KAT14: variants seen among roughly 807,000 people sequenced by gnomAD.
The protein encoded by KAT14 is lysine acetyltransferase 14, also known as cysteine-rich protein 2-binding protein.
KAT14 carries 66 observed loss-of-function variants against 78.4 expected under a neutral mutation model. That is an observed-to-expected ratio of 0.84 (90% CI 0.69 to 1.03). The LOEUF (loss-of-function observed/expected upper bound fraction) is 1.03. KAT14 is among the 50% of genes least tolerant of loss of function. KAT14 has a pLI of 0.00. For missense variants in KAT14, 870 were observed against 972.5 expected (o/e 0.89, Z 1.40); for synonymous variants, 344 against 359.4 (o/e 0.96, Z 0.48).
intron 1 of KAT14, among the ~76,000 whole-genome samples, chr20:18,141,047 A>ATTTTTTTTTTTT (rs59461611): frequency 1.1e-5 from 1 of 92,842 alleles, no homozygotes; most frequent in African/African-American, 4.4e-5. Flanking sequence ...TTTTTTTTTT[A>ATTTTTTTTTTTT]TTTTTATTTT....
In KAT14 at chr20:18,142,340, G is replaced by C; in HGVS notation, c.-321G>C. On this transcript the variant is annotated 5_prime_UTR_variant, in exon 2 of 11. Transcript: ENST00000688188. ...AAGAGAGAAGATGTTATTGGCAAAA[G>C]GATCTCAAAAATCATGACTTGAATG... is the stretch of plus-strand genomic sequence containing the variant. 6.5e-7 allele frequency: 1 copy of C among 1,536,328 alleles called. No homozygotes were observed. Among genetic ancestry groups the C allele is most frequent in the Non-Finnish European group, 8.7e-7 (1 of 1,146,334 alleles).
At chr20:18,181,982 C>A in intron 8 of KAT14, 136 bp downstream of exon 8, 1 of 1,326,964 alleles carries the variant, frequency 7.5e-7, no homozygotes, top group Non-Finnish European at 1.0e-6. Context: ...GAGTTCTGTG[C>A]TTCACCTCCA....
At chr20:18,149,420 G>A (rs1191998520) in intron 3 of KAT14, among the ~76,000 whole-genome samples, 1 of 152,198 alleles carries the variant, frequency 6.6e-6, no homozygotes, top group Non-Finnish European at 1.5e-5. Flanking sequence ...TAGACCAGAT[G>A]CAGATATAAC....
intron 7 of KAT14, among the ~76,000 whole-genome samples, chr20:18,165,727 G>A (rs1261312996): frequency 6.6e-6 from 1 of 152,200 alleles, no homozygotes; most frequent in Non-Finnish European, 1.5e-5. Context: ...GGAAACATGA[G>A]GCTCACCATA....
At chr20:18,159,699 T>A (rs1162473633) in intron 5 of KAT14, among the ~76,000 whole-genome samples, 3 of 152,226 alleles carry the variant, frequency 2.0e-5, no homozygotes, top group African/African-American at 7.2e-5. Context: ...TTGGATTATT[T>A]AGAAACAAAT....
chr20:18,137,318 C>A (rs2037338078), upstream of KAT14, among the ~76,000 whole-genome samples: 1 of 137,584 alleles, frequency 7.3e-6, no homozygotes, highest in South Asian at 2.2e-4. Flanking sequence ...TAATAATAAT[C>A]CGAGCCTGAC....
chr20:18,168,820 G>A (rs997721979), intron 7 of KAT14, among the ~76,000 whole-genome samples: 5 of 151,966 alleles, frequency 3.3e-5, no homozygotes, highest in African/African-American at 1.2e-4. Flanking sequence ...CTTGGTGTTC[G>A]CTGACCTTCC....
intron 1 of KAT14, chr20:18,138,593 C>A: frequency 2.7e-6 from 1 of 363,876 alleles, no homozygotes; most frequent in Non-Finnish European, 3.8e-6. Flanking sequence ...CTCTCCATGC[C>A]TTTGACCAAG....
chr20:18,168,086 A>C (rs182062089), intron 7 of KAT14, among the ~76,000 whole-genome samples: 1 of 152,334 alleles, frequency 6.6e-6, no homozygotes, highest in East Asian at 1.9e-4. Flanking sequence ...TTATACGACT[A>C]AGAATATCTT....
At chr20:18,145,054 G>T (rs1282516967) in intron 2 of KAT14, 179 bp from the exon 3 acceptor site, 4 of 1,361,698 alleles carry the variant, frequency 2.9e-6, no homozygotes, top group Non-Finnish European at 3.8e-6. Context: ...GCGTATACTT[G>T]GTGTTAGAAG....
At chr20:18,166,729 G>A (rs965867121) in intron 7 of KAT14, among the ~76,000 whole-genome samples, 2 of 152,068 alleles carry the variant, frequency 1.3e-5, no homozygotes, top group African/African-American at 4.8e-5. Flanking sequence ...TGTTTCCTGT[G>A]GCCCATCTTT....
chr20:18,150,794 C>T (rs556651493), intron 3 of KAT14, 27 bp from the exon 4 acceptor site: 2 of 1,613,856 alleles, frequency 1.2e-6, no homozygotes, highest in African/African-American at 2.7e-5. Flanking sequence ...TGCTGTTCTC[C>T]CACCTCTTGT....
At chr20:18,164,369 T>G (rs1027800947) in intron 7 of KAT14, among the ~76,000 whole-genome samples, 1 of 152,058 alleles carries the variant, frequency 6.6e-6, no homozygotes, top group South Asian at 2.1e-4. Context: ...TTCCTAGATG[T>G]GGGCAGTATA....
intron 7 of KAT14, among the ~76,000 whole-genome samples, chr20:18,164,453 T>C (rs1333905061): frequency 6.6e-5 from 10 of 152,164 alleles, no homozygotes; most frequent in Admixed American, 6.5e-4. Context: ...CCCCCCAGGC[T>C]CTAAGCCTGA....
Position 18,138,023 on chromosome 20 carries a change from T to A in KAT14, c.-482T>A. The A allele has an allele frequency of 6.7e-7, 1 of 1,494,826 alleles. No individual in the cohort carries two copies. Among genetic ancestry groups the A allele is most frequent in the Non-Finnish European group, 8.9e-7 (1 of 1,128,726 alleles). The allele number at this position is 1,494,826 out of a possible 1,614,324, so 92.6% of individuals were successfully genotyped here. ...CTGACGGCGGCCACAGTGGCCGGCG[T>A]ACATGTGAAGCAGCAGTGGGACCAG... On this transcript the variant is annotated 5_prime_UTR_variant, in exon 1 of 11. Coordinates refer to ENST00000688188, the MANE Select transcript of KAT14 (RefSeq NM_001392073.1).
intron 1 of KAT14, among the ~76,000 whole-genome samples, chr20:18,141,139 A>G (rs1187420376): frequency 6.7e-6 from 1 of 149,430 alleles, no homozygotes; most frequent in Non-Finnish European, 1.5e-5. Context: ...TTGGCCTAAG[A>G]TTACAGGAGT....
chr20:18,178,303 A>T (rs1227929804), intron 7 of KAT14, among the ~76,000 whole-genome samples: 1 of 152,194 alleles, frequency 6.6e-6, no homozygotes, highest in Non-Finnish European at 1.5e-5. Flanking sequence ...TTAATCCCCA[A>T]GACAATCTCC....
At chr20:18,159,022 G>T in intron 4 of KAT14, 62 bp from the exon 5 acceptor site, 1 of 1,538,976 alleles carries the variant, frequency 6.5e-7, no homozygotes, top group South Asian at 1.3e-5. Flanking sequence ...AGTATACACA[G>T]ACTGTCTTTT....
At position 18,142,692 on chromosome 20, in the gene KAT14, TC is replaced by T; in HGVS notation, c.33del (p.Ser12ValfsTer27). 6.2e-7 allele frequency: 1 copy of T among 1,614,140 alleles called. No individual in the cohort carries two copies. Among genetic ancestry groups the T allele is most frequent in the Non-Finnish European group, 8.5e-7 (1 of 1,180,032 alleles). MDSSIHLSSL[I>X]SRHDDEATRT... ...AGTAGCATCCACCTGAGTAGTCTGATCAGTCGGCATGATGACGAAGCCACGA... is the reference window on the plus strand; with the variant it reads ...AGTAGCATCCACCTGAGTAGTCTGATAGTCGGCATGATGACGAAGCCACGA... On this transcript the variant is annotated frameshift_variant, in exon 2 of 11. Coordinates refer to ENST00000688188, the MANE Select transcript of KAT14 (RefSeq NM_001392073.1). LOFTEE classifies it high-confidence loss of function.
Sources: gnomAD v4.1 joint callset for allele counts (sites outside exome capture counted in the v4.1 genomes callset) on GRCh38, gnomAD v4.1.1 for gene constraint, MANE v1.5 for transcripts, NCBI Gene and HGNC (gene_info 2026-07-23, HGNC 2026-07-21) for gene names.